Variants in VCP observed in about 807,000 individuals in gnomAD.
VCP encodes the protein valosin containing protein.
A neutral mutation model predicts 85.7 loss-of-function variants in VCP; 6 were observed. The observed-to-expected ratio is 0.07, with a 90% confidence interval of 0.04 to 0.14. VCP has a LOEUF of 0.14. VCP is among the 10% of genes least tolerant of loss of function. The pLI, the probability that VCP is intolerant of heterozygous loss-of-function variation, is 1.00. For synonymous variants in VCP, 384 were observed against 367.1 expected (o/e 1.05, Z -0.53); for missense variants, 353 against 1,043.4 (o/e 0.34, Z 9.12).
chr9:35,058,438 C>T (rs374038595), intron 15 of VCP, among the ~76,000 whole-genome samples: 1 of 152,112 alleles, frequency 6.6e-6, no homozygotes. Flanking sequence ...CTATCCCTTC[C>T]CCAACCATCA....
chr9:35,066,058 G>A (rs942749685), intron 4 of VCP, among the ~76,000 whole-genome samples: 6 of 151,532 alleles, frequency 4.0e-5, no homozygotes, highest in Non-Finnish European at 1.5e-5. Flanking sequence ...CCCAGGAGGC[G>A]GAGGTTGCAG....
Position 35,060,487 on chromosome 9 carries a change from G to A in VCP, c.1521C>T (p.Gly507=), listed in dbSNP as rs180999023. The A allele has an allele frequency of 2.4e-5, 39 of 1,614,222 alleles. 1 individual carries two copies. The East Asian group carries it at 7.6e-4, about 31-fold the overall frequency. The change falls in exon 13 of 17, where the codon GGC becomes GGT. Residue 507 remains glycine (G), a synonymous_variant. Coordinates refer to ENST00000358901, the MANE Select transcript of VCP (RefSeq NM_007126.5). ...ACAGAACTCCCTTGGAAGGTGTCAT[G>A]CCAAACTTCAGGAATTTGTCTGGGT... ...VEHPDKFLKF[G]MTPSKGVLFY...
Position 35,062,157 on chromosome 9 carries a change from T to G in VCP, c.946-19A>C. ...CATGAGTCTGCCAGAACAGGATGTC[T>G]GGTCAGAAGTGAAGTCAGGGCCTTT... On this transcript the variant is annotated intron_variant, in intron 8 of 16. Transcript: ENST00000358901. 6.2e-7 allele frequency: 1 copy of G among 1,614,170 alleles called. No individual in the cohort carries two copies. The highest frequency in any genetic ancestry group is 8.5e-7 in the Non-Finnish European group (1 of 1,180,030).
rs1401209327 is a variant in VCP, at chr9:35,072,265, C to T, written c.17+72G>A. 6.8e-6 allele frequency: 10 copies of T among 1,479,822 alleles called. No homozygotes were observed. The East Asian group carries it at 2.6e-4, about 38-fold the overall frequency. The allele number at this position is 1,479,822 out of a possible 1,614,324, so 91.7% of individuals were successfully genotyped here. On this transcript the variant is annotated intron_variant, in intron 1 of 16. Coordinates refer to ENST00000358901, the MANE Select transcript of VCP (RefSeq NM_007126.5). Reference sequence around the variant, plus strand: ...CTCTGACGCGCCCACGGCCAGGCCCCGCCGGGCCTACCCTGCGCGGCTGGT... The same window carrying T: ...CTCTGACGCGCCCACGGCCAGGCCCTGCCGGGCCTACCCTGCGCGGCTGGT...
intron 15 of VCP, among the ~76,000 whole-genome samples, chr9:35,058,713 G>A (rs754257860): frequency 1.2e-4 from 19 of 152,154 alleles, no homozygotes; most frequent in Non-Finnish European, 2.2e-4. Context: ...GTTGCAGTGA[G>A]CCAAGATCGT....
rs1178770388 is a variant in VCP at position 35,060,226 on chromosome 9, A to G, written c.1695+87T>C. 3.6e-6 allele frequency: 5 copies of G among 1,375,172 alleles called. No individual in the cohort carries two copies. The Admixed American group carries it at 9.3e-5, about 26-fold the overall frequency. 85.2% of individuals were successfully genotyped at this position (1,375,172 alleles called of 1,614,324 possible). A position where few individuals can be genotyped will look rare whatever the true frequency, so the allele number is the denominator to read the frequency against. On this transcript the variant is annotated intron_variant, in intron 13 of 16. Transcript: ENST00000358901. ...CTGTGCAGTTGAGCAGCCAGCACTA[A>G]GAATATTTCAACCCTCTTAAAGAAA...
At chr9:35,058,929 T>C in intron 15 of VCP, 135 bp downstream of exon 15, 1 of 1,230,774 alleles carries the variant, frequency 8.1e-7, no homozygotes, top group African/African-American at 1.5e-5. Context: ...GCATTCTTTA[T>C]CTTTGATGCC....
intron 1 of VCP, 54 bp downstream of exon 1, chr9:35,072,283 C>G: frequency 1.1e-5 from 17 of 1,484,864 alleles, no homozygotes; most frequent in Non-Finnish European, 1.4e-5. Flanking sequence ...CTACCCTGCG[C>G]GGCTGGTCCC....
chr9:35,056,822 C>G lies in VCP; in HGVS notation c.*295G>C, dbSNP rs1828616883. 2 of 403,880 alleles carry G rather than the reference C, an allele frequency of 5.0e-6. No individual in the cohort carries two copies. The highest frequency in any genetic ancestry group is 2.1e-5 in the African/African-American group (1 of 48,614). 25.0% of individuals were successfully genotyped at this position (403,880 alleles called of 1,614,324 possible). A position where few individuals can be genotyped will look rare whatever the true frequency, so the allele number is the denominator to read the frequency against. On this transcript the variant is annotated 3_prime_UTR_variant, in exon 17 of 17. Transcript: ENST00000358901. ...GTAGTGCCTTGGTTCACACCCCACA[C>G]AGGTCCCCTGCACTGCCCCAAACTA... is the stretch of plus-strand genomic sequence containing the variant.
intron 1 of VCP, among the ~76,000 whole-genome samples, chr9:35,070,704 G>A (rs1172182507): frequency 6.6e-6 from 1 of 152,150 alleles, no homozygotes; most frequent in Non-Finnish European, 1.5e-5. Context: ...CCAAAATGCT[G>A]GGATTACAGG....
intron 5 of VCP, 144 bp downstream of exon 5, chr9:35,065,107 A>C (rs1347300725): frequency 8.2e-6 from 10 of 1,217,904 alleles, no homozygotes; most frequent in Non-Finnish European, 9.4e-6. Context: ...ACCTCAAGTG[A>C]TCTGCCCATC....
In VCP at chr9:35,059,181, G is replaced by A. The variant is rs1168265750; in HGVS notation, c.2043C>T (p.Gly681=). The change falls in exon 15 of 17, where the codon GGC becomes GGT. Residue 681 remains glycine (G), a synonymous_variant. Coordinates refer to ENST00000358901, the MANE Select transcript of VCP (RefSeq NM_007126.5). The surrounding 1 kb of genome is among the most constrained non-coding windows in gnomAD (Gnocchi z 4.9). Reference sequence around the variant, plus strand: ...TCTCTGTCAGGTCAGCTCCAGAGAAGCCATTAGTCATTTTAGCCAGGAACT... The same window carrying A: ...TCTCTGTCAGGTCAGCTCCAGAGAAACCATTAGTCATTTTAGCCAGGAACT... The part of the protein sequence containing the change: ...DLEFLAKMTN[G]FSGADLTEIC... The A allele has an allele frequency of 5.0e-6, 8 of 1,614,160 alleles. No individual in the cohort carries two copies. In the South Asian group the frequency reaches 7.7e-5, roughly 16 times the overall value.
At chr9:35,057,589 C>T in intron 15 of VCP, 59 bp from the exon 16 acceptor site, 2 of 1,598,604 alleles carry the variant, frequency 1.3e-6, no homozygotes, top group African/African-American at 1.3e-5. Context: ...GATTTCATCC[C>T]AGGCCTCCCA....
At position 35,062,070 on chromosome 9, in the gene VCP, C is replaced by T. The variant is rs2131032503; in HGVS notation, c.1014G>A (p.Arg338=). The T allele has an allele frequency of 6.2e-7, 1 of 1,614,136 alleles. No individual in the cohort carries two copies. Among genetic ancestry groups the T allele is most frequent in the Non-Finnish European group, 8.5e-7 (1 of 1,180,026 alleles). The change falls in exon 9 of 17, where the codon AGG becomes AGA. Residue 338 remains arginine (R), a synonymous_variant. Coordinates refer to ENST00000358901, the MANE Select transcript of VCP (RefSeq NM_007126.5). The part of the protein sequence containing the change: ...LLTLMDGLKQ[R]AHVIVMAATN... The stretch of plus-strand genomic sequence containing the variant: ...TTGCTGCCATAACAATCACATGTGC[C>T]CTCTGCTTTAGGCCATCCATGAGGG...
At position 35,065,888 on chromosome 9, in the gene VCP, G is replaced by A. The variant is rs139789152; in HGVS notation, c.446-507C>T. Among the ~76,000 whole-genome samples, 940 of 152,248 alleles carry A rather than the reference G, an allele frequency of 6.2e-3. 5 individuals are homozygous for A. Among genetic ancestry groups the A allele is most frequent in the Non-Finnish European group, 9.8e-3 (667 of 68,006 alleles). On this transcript the variant is annotated intron_variant, in intron 4 of 16. Transcript: ENST00000358901. ...ACAAATATATGAAAATGAGTCTAGC[G>A]GCCGGGCACAGTGGCTCACCTGAGG...
chr9:35,069,983 C>T (rs1455353808), intron 1 of VCP, among the ~76,000 whole-genome samples: 2 of 152,210 alleles, frequency 1.3e-5, no homozygotes, highest in Non-Finnish European at 2.9e-5. Context: ...GAAATATCCT[C>T]ACAATTTGCA....
chr9:35,061,172 T>C lies in VCP; in HGVS notation c.1202A>G (p.Asn401Ser), dbSNP rs148329626. The C allele has an allele frequency of 1.7e-4, 269 of 1,613,282 alleles. 1 individual carries two copies. The South Asian group carries it at 1.8e-3, about 11-fold the overall frequency. Residue 401 changes from asparagine (N) to serine (S), a missense_variant, in exon 11 of 17, where the codon AAT becomes AGT. Physicochemically the swap from Asn to Ser is conservative, Grantham distance 46 (BLOSUM62 1). Around this residue, in one of 8 missense-constraint regions of VCP, gnomAD observed 30 missense variants for 39.0 expected, o/e 0.77. Transcript: ENST00000358901. ...AGCACCCACATGCCCGTGAGTCTCA[T>C]TGGCTACCTGCAGAGAAAGATCTAC... The part of the protein sequence containing the change: ...ADDVDLEQVA[N>S]ETHGHVGADL...
At chr9:35,060,594 C>A in intron 12 of VCP, 69 bp from the exon 13 acceptor site, 2 of 1,551,484 alleles carry the variant, frequency 1.3e-6, no homozygotes, top group Non-Finnish European at 1.8e-6. Context: ...TAAACAGAAG[C>A]ATCCCCTCCA....
intron 4 of VCP, among the ~76,000 whole-genome samples, chr9:35,065,719 T>C (rs1444319567): frequency 6.6e-6 from 1 of 152,062 alleles, no homozygotes; most frequent in African/African-American, 2.4e-5. Context: ...CCAGCCAAAA[T>C]GGACCACTTT....
Sources: allele counts gnomAD v4.1 joint callset (sites outside exome capture counted in the v4.1 genomes callset), GRCh38; gene constraint gnomAD v4.1.1; regional missense constraint gnomAD v4.1.1; non-coding constraint Gnocchi (gnomAD v3.1); transcripts MANE v1.5; gene names NCBI Gene and HGNC (gene_info 2026-07-23, HGNC 2026-07-21).